The following SPINK4 variants were observed in gnomAD, a reference collection of about 807,000 sequenced individuals.
SPINK4 encodes serine protease inhibitor Kazal-type 4.
In SPINK4, 10 loss-of-function variants were observed where a neutral mutation model predicts 12.3. The observed-to-expected ratio is 0.81, with a 90% CI of 0.50 to 1.37. The LOEUF (loss-of-function observed/expected upper bound fraction) is 1.37, where lower values mean the gene tolerates loss of function less well. Ranked by LOEUF, SPINK4 falls within the 40% of genes most tolerant of loss-of-function variation. SPINK4 has a pLI of 0.00. For missense variants in SPINK4, 91 were observed against 109.0 expected (o/e 0.84, Z 0.73); for synonymous variants, 37 against 40.2 (o/e 0.92, Z 0.30).
At chr9:33,242,196 A>G (rs571464) in intron 1 of SPINK4, among the ~76,000 whole-genome samples, 53,791 of 152,102 alleles carry the variant, frequency 0.35, 12,119 homozygotes, top group African/African-American at 0.65. Flanking sequence ...CCCACAGTGT[A>G]GGACATTGAA....
chr9:33,245,136 T>C lies in SPINK4; in HGVS notation c.86T>C (p.Leu29Pro). 1 of 1,613,788 alleles carries C rather than the reference T, an allele frequency of 6.2e-7. No individual in the cohort carries two copies. The highest frequency in any genetic ancestry group is 1.1e-5 in the South Asian group (1 of 91,038). The change falls in exon 2 of 4, where the codon CTC (leucine) becomes CCC (proline). Residue 29 changes from leucine (L) to proline (P), a missense_variant. Coordinates refer to ENST00000379721, the MANE Select transcript of SPINK4 (RefSeq NM_014471.3). ...DREVPVAAGK[L>P]PFSRMPICEH... ...GAAGTGCCAGTGGCAGCAGGAAAGC[T>C]CCCTTTCTCAAGAATGGTAAGGCAG...
rs372190764 is a variant in SPINK4, at chr9:33,248,420, T to G, written c.216-6T>G. ...GTAGCCTCATGCCTGTCTTCTTTGA[T>G]CCTAGAAAAACCAAACAGGACATCC... On this transcript the variant is annotated splice_polypyrimidine_tract_variant and splice_region_variant and intron_variant, in intron 3 of 3. Transcript: ENST00000379721. 31 of 1,613,916 alleles carry G rather than the reference T, an allele frequency of 1.9e-5. No homozygotes were observed. The African/African-American group carries it at 3.9e-4, about 20-fold the overall frequency.
chr9:33,246,489 G>A, intron 2 of SPINK4, 127 bp from the exon 3 acceptor site: 1 of 720,566 alleles, frequency 1.4e-6, no homozygotes, highest in Admixed American at 2.0e-5. Flanking sequence ...ATCTTCACTG[G>A]ACCCACACTG....
chr9:33,243,713 T>C (rs1820261106), intron 1 of SPINK4, among the ~76,000 whole-genome samples: 1 of 152,160 alleles, frequency 6.6e-6, no homozygotes, highest in Non-Finnish European at 1.5e-5. Context: ...CAATTTGACA[T>C]GGAAGGGTTT....
At chr9:33,245,242 C>A in intron 2 of SPINK4, 90 bp downstream of exon 2, 1 of 1,384,238 alleles carries the variant, frequency 7.2e-7, no homozygotes, top group Non-Finnish European at 1.0e-6. Context: ...TCTCCACGAT[C>A]CTGCTCAGAC....
At chr9:33,246,420 G>A (rs372226718) in intron 2 of SPINK4, among the ~76,000 whole-genome samples, 196 bp from the exon 3 acceptor site, 2 of 152,106 alleles carry the variant, frequency 1.3e-5, no homozygotes, top group African/African-American at 2.4e-5. Flanking sequence ...AGGCACACAC[G>A]TGGTCATGCA....
At chr9:33,243,043 T>A (rs371642496) in intron 1 of SPINK4, among the ~76,000 whole-genome samples, 1 of 152,032 alleles carries the variant, frequency 6.6e-6, no homozygotes, top group African/African-American at 2.4e-5. Context: ...ACTCAGCTAA[T>A]TTAAAAATTT....
At chr9:33,247,488 G>A (rs10971450) in intron 3 of SPINK4, among the ~76,000 whole-genome samples, 9,418 of 152,084 alleles carry the variant, frequency 0.062, 931 homozygotes, top group African/African-American at 0.21. Context: ...AATTCTAAGG[G>A]ATCAGTGGGG....
At chr9:33,241,670 T>C (rs1262592690) in intron 1 of SPINK4, among the ~76,000 whole-genome samples, 1 of 134,910 alleles carries the variant, frequency 7.4e-6, no homozygotes, top group East Asian at 2.0e-4. Flanking sequence ...CTGAAGAAGT[T>C]TGGTTTTTGT....
In SPINK4 at chr9:33,246,721, G is replaced by T. The variant is rs1820289943; in HGVS notation, c.208G>T (p.Ala70Ser). 6.2e-7 allele frequency: 1 copy of T among 1,613,762 alleles called. No homozygotes were observed. The highest frequency in any genetic ancestry group is 8.5e-7 in the Non-Finnish European group (1 of 1,179,958). Residue 70 changes from alanine (A) to serine (S), a missense_variant, in exon 3 of 4, where the codon GCC (alanine) becomes TCC (serine). Ala to Ser is a moderately conservative substitution (Grantham distance 99, BLOSUM62 1). Coordinates refer to ENST00000379721, the MANE Select transcript of SPINK4 (RefSeq NM_014471.3). ...TYTNECQLCL[A>S]RIKTKQDIQI... ...TACGAATGAATGCCAGCTCTGCTTG[G>T]CCCGGATGTAAGTCTGCCCCACAAC...
chr9:33,247,789 A>C (rs1820301353), intron 3 of SPINK4: 1 of 152,734 alleles, frequency 6.5e-6, no homozygotes. Context: ...GAGACCATGG[A>C]AGTGAAGAAA....
At chr9:33,243,258 A>C (rs1820256587) in intron 1 of SPINK4, among the ~76,000 whole-genome samples, 1 of 151,954 alleles carries the variant, frequency 6.6e-6, no homozygotes, top group Non-Finnish European at 1.5e-5. Flanking sequence ...TTTTTAGTAG[A>C]TATGGGGTTT....
chr9:33,245,037 C>A, intron 1 of SPINK4, 75 bp from the exon 2 acceptor site: 1 of 1,466,368 alleles, frequency 6.8e-7, no homozygotes, highest in South Asian at 1.3e-5. Context: ...CTCCCTGAAG[C>A]AGAAGCAGTC....
At chr9:33,245,039 G>C (rs2117880016) in intron 1 of SPINK4, 73 bp from the exon 2 acceptor site, 1 of 1,483,290 alleles carries the variant, frequency 6.7e-7, no homozygotes, top group African/African-American at 1.4e-5. Context: ...CCCTGAAGCA[G>C]AAGCAGTCCT....
intron 1 of SPINK4, among the ~76,000 whole-genome samples, chr9:33,241,110 G>A (rs2062094463): frequency 7.8e-6 from 1 of 128,128 alleles, no homozygotes; most frequent in African/African-American, 4.3e-5. Context: ...ACTAAGCCAT[G>A]TGGATATCTG....
Position 33,240,966 on chromosome 9 carries a change from A to G in SPINK4, c.61+697A>G, listed in dbSNP as rs115382537. ...ATGGTTACAATGTATGTTAAACGGTATGTTAGAAGCTGATAAAAGTTAAGG... is the reference window on the plus strand; with the variant it reads ...ATGGTTACAATGTATGTTAAACGGTGTGTTAGAAGCTGATAAAAGTTAAGG... On this transcript the variant is annotated intron_variant, in intron 1 of 3. Coordinates refer to ENST00000379721, the MANE Select transcript of SPINK4 (RefSeq NM_014471.3). Among the ~76,000 whole-genome samples, 1,324 of 152,344 alleles carry G rather than the reference A, an allele frequency of 8.7e-3. 21 individuals are homozygous for G. Among genetic ancestry groups the G allele is most frequent in the African/African-American group, 0.03 (1,262 of 41,578 alleles).
rs1237445204 is a variant in SPINK4 at position 33,241,687 on chromosome 9, GTT to G, written c.61+1422_61+1423del. On this transcript the variant is annotated intron_variant, in intron 1 of 3. Transcript: ENST00000379721. Reference sequence around the variant, plus strand: ...GAAGAAGTTTGGTTTTTGTTTGTTTGTTTTTGTTTTTGTTTTTTGCACATTTC... The same window carrying G: ...GAAGAAGTTTGGTTTTTGTTTGTTTGTTTGTTTTTGTTTTTTGCACATTTC... Among the ~76,000 whole-genome samples, 5 of 69,000 alleles carry G rather than the reference GTT, an allele frequency of 7.2e-5. No homozygotes were observed. In the African/African-American group the frequency reaches 9.3e-4, roughly 13 times the overall value. The allele number at this position is 69,000 out of a possible 152,430, so 45.3% of individuals were successfully genotyped here. A position where few individuals can be genotyped will look rare whatever the true frequency, so the allele number is the denominator to read the frequency against.
chr9:33,245,185 TC>T, intron 2 of SPINK4, 33 bp downstream of exon 2: 1 of 1,608,612 alleles, frequency 6.2e-7, no homozygotes, highest in African/African-American at 1.3e-5. Context: ...TCACCTTCTC[TC>T]TGCTGAGAGG....
chr9:33,246,667 C>T lies in SPINK4; in HGVS notation c.154C>T (p.Leu52=). The T allele has an allele frequency of 6.2e-7, 1 of 1,614,100 alleles. No homozygotes were observed. Residue 52 remains leucine (L), a synonymous_variant, in exon 3 of 4, where the codon CTG becomes TTG. Transcript: ENST00000379721. The part of the protein sequence containing the change: ...ESPTCSQMSN[L]VCGTDGLTYT... Reference sequence around the variant, plus strand: ...TCCAACCTGTTCCCAGATGTCCAACCTGGTCTGCGGCACTGATGGGCTCAC... The same window carrying T: ...TCCAACCTGTTCCCAGATGTCCAACTTGGTCTGCGGCACTGATGGGCTCAC...
Sources: allele counts gnomAD v4.1 joint callset (sites outside exome capture counted in the v4.1 genomes callset), GRCh38; gene constraint gnomAD v4.1.1; transcripts MANE v1.5; gene names NCBI Gene and HGNC (gene_info 2026-07-23, HGNC 2026-07-21).